Variants in DAPK1 observed in about 807,000 individuals in gnomAD.
The protein encoded by DAPK1 is death associated protein kinase 1.
Under a neutral mutation model 144.9 loss-of-function variants are expected in DAPK1, and 56 were observed. That is an observed-to-expected ratio of 0.39 (90% confidence interval 0.31 to 0.48). The LOEUF (loss-of-function observed/expected upper bound fraction) is 0.48. Among genes scored for constraint, DAPK1 ranks in the 20% least tolerant of loss-of-function variants. DAPK1 has a pLI of 0.95. For synonymous variants in DAPK1, 690 were observed against 749.0 expected, an observed-to-expected ratio of 0.92 and a Z score of 1.29; for missense variants, 1,454 against 1,875.4, an observed-to-expected ratio of 0.78 and a Z score of 4.15.
chr9:87,632,048 A>G (rs1043446410), intron 3 of DAPK1: 2 of 777,858 alleles, frequency 2.6e-6, no homozygotes, highest in South Asian at 1.2e-4. Context: ...ATGAAGGAGG[A>G]TGAGTATATA....
chr9:87,678,381 G>A (rs1476045134), intron 19 of DAPK1, among the ~76,000 whole-genome samples: 1 of 152,218 alleles, frequency 6.6e-6, no homozygotes, highest in East Asian at 1.9e-4. Flanking sequence ...AGGAGGCTGG[G>A]AAACCCAGCA....
intron 2 of DAPK1, among the ~76,000 whole-genome samples, chr9:87,502,622 AT>A (rs1824446669): frequency 6.6e-6 from 1 of 152,002 alleles, no homozygotes; most frequent in Admixed American, 6.6e-5. Context: ...CTTCTTTCCT[AT>A]TGCACCATCT....
intron 2 of DAPK1, among the ~76,000 whole-genome samples, chr9:87,499,995 A>G (rs1824334566): frequency 6.6e-6 from 1 of 152,164 alleles, no homozygotes; most frequent in African/African-American, 2.4e-5. Context: ...TTGTGAGTGG[A>G]GTAGGCAAAA....
At chr9:87,632,260 A>G in intron 3 of DAPK1, 2 of 983,428 alleles carry the variant, frequency 2.0e-6, no homozygotes, top group Non-Finnish European at 2.4e-6. Flanking sequence ...AAGGGTGATC[A>G]GTATATATGT....
At chr9:87,656,201 G>A (rs544650195) in intron 17 of DAPK1, among the ~76,000 whole-genome samples, 5 of 152,300 alleles carry the variant, frequency 3.3e-5, no homozygotes, top group African/African-American at 9.6e-5. Flanking sequence ...TGTGTCTGCC[G>A]TGGGCTGTCG....
chr9:87,498,341 C>A (rs1196517529), intron 1 of DAPK1, among the ~76,000 whole-genome samples: 4 of 152,138 alleles, frequency 2.6e-5, no homozygotes, highest in African/African-American at 9.7e-5. Flanking sequence ...TGTGTCGGGG[C>A]GCGAGGATCT....
chr9:87,640,735 A>G, intron 8 of DAPK1, 67 bp from the exon 9 acceptor site: 4 of 1,553,666 alleles, frequency 2.6e-6, no homozygotes, highest in Admixed American at 1.7e-5. Flanking sequence ...CCCAGCCAGC[A>G]TGAAAACAAC....
At chr9:87,675,069 C>G (rs1824314530) in intron 19 of DAPK1, among the ~76,000 whole-genome samples, 1 of 152,126 alleles carries the variant, frequency 6.6e-6, no homozygotes, top group African/African-American at 2.4e-5. Flanking sequence ...CAAGGGGTGG[C>G]AAACAATGGC....
At chr9:87,620,847 G>C (rs1019231547) in intron 3 of DAPK1, among the ~76,000 whole-genome samples, 2 of 152,162 alleles carry the variant, frequency 1.3e-5, no homozygotes, top group Non-Finnish European at 2.9e-5. Context: ...TCCAGTGCCA[G>C]TTATAATTAC....
chr9:87,599,111 G>A (rs1202672445), intron 2 of DAPK1, among the ~76,000 whole-genome samples: 1 of 152,156 alleles, frequency 6.6e-6, no homozygotes, highest in Admixed American at 6.5e-5. Flanking sequence ...GAGATGTCTT[G>A]TATGACAAAC....
chr9:87,563,377 T>TGGG (rs1463061613), intron 2 of DAPK1, among the ~76,000 whole-genome samples: 3 of 152,212 alleles, frequency 2.0e-5, no homozygotes, highest in Non-Finnish European at 4.4e-5. Context: ...ATTTGAAAGA[T>TGGG]ACAGTGTGAA....
In DAPK1 at chr9:87,668,670, G is replaced by A. The variant is rs369031259; in HGVS notation, c.1997G>A (p.Arg666Gln). Residue 666 changes from arginine (R) to glutamine (Q), a missense_variant, in exon 19 of 26, where the codon CGA (arginine) becomes CAA (glutamine). Arg to Gln is a conservative substitution (Grantham distance 43). Coordinates refer to ENST00000408954, the MANE Select transcript of DAPK1 (RefSeq NM_004938.4). ...EHVAGLLARL[R>Q]KDTHRGLFIQ... is the part of the protein sequence containing the mutation. ...GTAGCAGGTCTCCTTGCAAGACTTC[G>A]AAAGGTGAGAAGTTCTGTTATAGGT... 4.9e-5 allele frequency: 61 copies of A among 1,240,314 alleles called. No individual in the cohort carries two copies. Among genetic ancestry groups the A allele is most frequent in the South Asian group, 2.0e-4 (17 of 83,740 alleles). 76.8% of individuals were successfully genotyped at this position (1,240,314 alleles called of 1,614,324 possible).
chr9:87,525,524 C>G, intron 2 of DAPK1: 1 of 1,119,342 alleles, frequency 8.9e-7, no homozygotes, highest in Non-Finnish European at 1.4e-6. Flanking sequence ...AATGAAAAAC[C>G]ATGATAGTTC....
In DAPK1 at chr9:87,706,687, A is replaced by G; in HGVS notation, c.3616A>G (p.Ile1206Val). ...GGTCCGCGGCCTGGAGACGGAGAAG[A>G]TCAAGTGCTGCCTGCTGCTGGACTC... The part of the protein sequence containing the change: ...VQVRGLETEK[I>V]KCCLLLDSVC... The change falls in exon 26 of 26, where the codon ATC becomes GTC. Residue 1206 changes from isoleucine to valine, a missense_variant. Coordinates refer to ENST00000408954, the MANE Select transcript of DAPK1 (RefSeq NM_004938.4). This position sits in a 1 kb window ranked among gnomAD's most constrained non-coding sequence, Gnocchi z 9.0. 1 of 1,612,248 alleles carries G rather than the reference A, an allele frequency of 6.2e-7. No individual in the cohort carries two copies. Among genetic ancestry groups the G allele is most frequent in the Admixed American group, 1.7e-5 (1 of 60,002 alleles).
At chr9:87,517,204 C>G (rs552994012) in intron 2 of DAPK1, among the ~76,000 whole-genome samples, 2 of 151,994 alleles carry the variant, frequency 1.3e-5, no homozygotes, top group African/African-American at 4.8e-5. Context: ...GGGGCATCCA[C>G]TTAGTGGGCA....
intron 21 of DAPK1, among the ~76,000 whole-genome samples, chr9:87,694,265 C>G (rs1488002511): frequency 6.6e-6 from 1 of 152,022 alleles, no homozygotes; most frequent in African/African-American, 2.4e-5. Context: ...AGGTGAGTGC[C>G]AGCTGTGATG....
At chr9:87,528,698 C>T (rs996623820) in intron 2 of DAPK1, among the ~76,000 whole-genome samples, 1 of 151,726 alleles carries the variant, frequency 6.6e-6, no homozygotes, top group Admixed American at 6.6e-5. Flanking sequence ...GGTGGAACCC[C>T]ATGTCTACTA....
At chr9:87,516,258 C>A (rs1453369608) in intron 2 of DAPK1, among the ~76,000 whole-genome samples, 1 of 152,166 alleles carries the variant, frequency 6.6e-6, no homozygotes, top group Non-Finnish European at 1.5e-5. Context: ...TGCACACTGC[C>A]AGCGTTGCAG....
At chr9:87,588,490 T>C (rs2118867670) in intron 2 of DAPK1, among the ~76,000 whole-genome samples, 1 of 152,256 alleles carries the variant, frequency 6.6e-6, no homozygotes, top group African/African-American at 2.4e-5. Flanking sequence ...AGTTTTGTTT[T>C]GTTTTGTTTT....
Sources: allele counts gnomAD v4.1 joint callset (sites outside exome capture counted in the v4.1 genomes callset), GRCh38; gene constraint gnomAD v4.1.1; non-coding constraint Gnocchi (gnomAD v3.1); transcripts MANE v1.5; gene names NCBI Gene and HGNC (gene_info 2026-07-23, HGNC 2026-07-21).